The following MAPK10 variants were observed in gnomAD, a reference collection of about 807,000 sequenced individuals.
MAPK10 encodes the protein mitogen-activated protein kinase 10.
Under a neutral mutation model 59.3 loss-of-function variants are expected in MAPK10, and 25 were observed. That is an observed-to-expected ratio of 0.42 (90% CI 0.31 to 0.59). The LOEUF is 0.59. MAPK10 is among the 20% of genes least tolerant of loss of function. The pLI, the probability that MAPK10 is intolerant of heterozygous loss-of-function variation, is 0.15. For synonymous variants in MAPK10, 190 were observed against 200.5 expected (o/e 0.95, Z 0.44); for missense variants, 351 against 568.9 (o/e 0.62, Z 3.90).
intron 2 of MAPK10, among the ~76,000 whole-genome samples, chr4:86,348,430 T>C (rs1729402883): frequency 6.6e-6 from 1 of 152,188 alleles, no homozygotes; most frequent in Non-Finnish European, 1.5e-5. Context: ...TCTATAAATG[T>C]TAGCCACTAT....
At chr4:86,476,960 A>C (rs1579341603) in intron 1 of MAPK10, among the ~76,000 whole-genome samples, 1 of 152,084 alleles carries the variant, frequency 6.6e-6, no homozygotes, top group African/African-American at 2.4e-5. Context: ...TGAAAATCAG[A>C]CTGTTCAACT....
At chr4:86,554,129 A>T (rs1442711512) in intron 1 of MAPK10, among the ~76,000 whole-genome samples, 1 of 152,120 alleles carries the variant, frequency 6.6e-6, no homozygotes, top group African/African-American at 2.4e-5. Context: ...TTGAACTGAC[A>T]TGATTATAGG....
intron 2 of MAPK10, among the ~76,000 whole-genome samples, chr4:86,232,323 G>C (rs1243661250): frequency 6.6e-6 from 1 of 151,938 alleles, no homozygotes; most frequent in Non-Finnish European, 1.5e-5. Context: ...GGAAGTTACA[G>C]TTGTTCCCCT....
intron 11 of MAPK10, among the ~76,000 whole-genome samples, chr4:86,047,253 A>G (rs1579128216): frequency 6.6e-6 from 1 of 152,062 alleles, no homozygotes; most frequent in East Asian, 1.9e-4. Context: ...GAAGAGTACT[A>G]TTTTAGAAAG....
chr4:86,523,206 CT>C (rs1225295581), intron 1 of MAPK10, among the ~76,000 whole-genome samples: 2 of 152,006 alleles, frequency 1.3e-5, no homozygotes, highest in Non-Finnish European at 2.9e-5. Context: ...CTTTCATTCA[CT>C]TTTTTTCAAT....
intron 1 of MAPK10, among the ~76,000 whole-genome samples, chr4:86,540,336 G>A (rs562143140): frequency 4.0e-5 from 6 of 151,846 alleles, no homozygotes; most frequent in Non-Finnish European, 8.8e-5. Flanking sequence ...CTGTCTGTAC[G>A]AAAAATACAA....
At chr4:86,415,132 C>T (rs943463385) in intron 1 of MAPK10, among the ~76,000 whole-genome samples, 3 of 110,920 alleles carry the variant, frequency 2.7e-5, no homozygotes, top group African/African-American at 6.4e-5. Flanking sequence ...GACCAAGATT[C>T]TGTCAAAAAA....
chr4:86,367,342 G>T (rs1280198777), intron 1 of MAPK10, among the ~76,000 whole-genome samples: 1 of 152,130 alleles, frequency 6.6e-6, no homozygotes, highest in African/African-American at 2.4e-5. Flanking sequence ...CTCAGAGTCA[G>T]TCATGTATCT....
intron 1 of MAPK10, among the ~76,000 whole-genome samples, chr4:86,413,493 C>G (rs1205439771): frequency 2.0e-5 from 3 of 152,218 alleles, no homozygotes; most frequent in African/African-American, 7.2e-5. Context: ...GCCTTTTGTT[C>G]TGCTATGCCC....
At chr4:86,311,185 T>C (rs2095662858) in intron 2 of MAPK10, among the ~76,000 whole-genome samples, 1 of 152,026 alleles carries the variant, frequency 6.6e-6, no homozygotes, top group Non-Finnish European at 1.5e-5. Context: ...TATAAATGTA[T>C]TAATATCAAC....
chr4:86,142,286 C>T (rs915631957), intron 4 of MAPK10, among the ~76,000 whole-genome samples: 7 of 152,192 alleles, frequency 4.6e-5, no homozygotes, highest in South Asian at 4.1e-4. Flanking sequence ...GTTTGCTAAA[C>T]GAAGAAAACT....
intron 1 of MAPK10, among the ~76,000 whole-genome samples, chr4:86,575,182 G>A (rs1051505234): frequency 6.6e-6 from 1 of 152,136 alleles, no homozygotes; most frequent in South Asian, 2.1e-4. Flanking sequence ...ACTAAGATTC[G>A]CACTGATTCT....
intron 1 of MAPK10, among the ~76,000 whole-genome samples, chr4:86,549,740 G>A (rs559318945): frequency 6.6e-6 from 1 of 152,248 alleles, no homozygotes; most frequent in Admixed American, 6.5e-5. Context: ...ACACTTTAAG[G>A]AGGCCGAGGT....
At chr4:86,271,109 A>G (rs191593338) in intron 2 of MAPK10, among the ~76,000 whole-genome samples, 72 of 152,176 alleles carry the variant, frequency 4.7e-4, no homozygotes, top group African/African-American at 1.6e-3. Flanking sequence ...CTTTTCCAAG[A>G]GGTTGTACCA....
At chr4:86,067,720 T>G in intron 10 of MAPK10, 53 bp downstream of exon 10, 4 of 1,471,770 alleles carry the variant, frequency 2.7e-6, no homozygotes, top group Middle Eastern at 1.9e-4. Context: ...ACTGTGTGCT[T>G]GTTTGGCCCG....
In MAPK10 at chr4:86,280,066, G is replaced by A. The variant is rs1004830736; in HGVS notation, c.-7+74464C>T. Among the ~76,000 whole-genome samples, 3 of 152,110 alleles carry A rather than the reference G, an allele frequency of 2.0e-5. No homozygotes were observed. The East Asian group carries it at 5.8e-4, about 29-fold the overall frequency. Reference sequence around the variant, plus strand: ...CATCAGCCTTAGCAAACAATTTGTGGCTAAGTCCTCAAAAGCATTGCAACA... The same window carrying A: ...CATCAGCCTTAGCAAACAATTTGTGACTAAGTCCTCAAAAGCATTGCAACA... On this transcript the variant is annotated intron_variant, in intron 2 of 13. Transcript: ENST00000641462.
At chr4:86,330,288 GA>G (rs2096122710) in intron 2 of MAPK10, among the ~76,000 whole-genome samples, 1 of 152,188 alleles carries the variant, frequency 6.6e-6, no homozygotes, top group Non-Finnish European at 1.5e-5. Context: ...TTTACCAAGT[GA>G]ATCAAAGCAG....
intron 4 of MAPK10, among the ~76,000 whole-genome samples, chr4:86,129,006 G>T (rs2060553778): frequency 6.6e-6 from 1 of 152,032 alleles, no homozygotes; most frequent in South Asian, 2.1e-4. Context: ...TAATTTTACA[G>T]TTAATTTGTT....
intron 2 of MAPK10, among the ~76,000 whole-genome samples, chr4:86,208,802 C>T (rs145262845): frequency 0.03 from 4,520 of 152,152 alleles, 93 homozygotes; most frequent in South Asian, 0.041. Context: ...GTCAAATTGT[C>T]CCTGTTTGCA....
Sources: gnomAD v4.1 joint callset for allele counts (sites outside exome capture counted in the v4.1 genomes callset) on GRCh38, gnomAD v4.1.1 for gene constraint, MANE v1.5 for transcripts, NCBI Gene and HGNC (gene_info 2026-07-23, HGNC 2026-07-21) for gene names.